Variants in PKD1L1 observed in about 807,000 individuals in gnomAD.
PKD1L1 encodes polycystin-1-like protein 1.
Under a neutral mutation model 323.4 loss-of-function variants are expected in PKD1L1, and 236 were observed. The ratio of observed to expected loss-of-function variants is 0.73; its 90% CI spans 0.66 to 0.81. PKD1L1 has a LOEUF of 0.81. Ranked by LOEUF, PKD1L1 falls within the 40% of genes least tolerant of loss-of-function variation. The pLI, the probability that PKD1L1 is intolerant of heterozygous loss-of-function variation, is 0.00. For missense variants in PKD1L1, 3,320 were observed against 3,508.0 expected, an observed-to-expected ratio of 0.95 and a Z score of 1.35; for synonymous variants, 1,344 against 1,335.0, an observed-to-expected ratio of 1.01 and a Z score of -0.15.
intron 26 of PKD1L1, among the ~76,000 whole-genome samples, chr7:47,859,639 T>C (rs1400929880): frequency 6.6e-6 from 1 of 150,960 alleles, no homozygotes; most frequent in Non-Finnish European, 1.5e-5. Context: ...TTTTTTTTTT[T>C]TTTTTGAGAT....
At position 47,890,583 on chromosome 7, in the gene PKD1L1, C is replaced by T. The variant is rs1202912855; in HGVS notation, c.2634G>A (p.Glu878=). 5 of 1,614,150 alleles carry T rather than the reference C, an allele frequency of 3.1e-6. No homozygotes were observed. In the East Asian group the frequency reaches 8.9e-5, roughly 29 times the overall value. ...RVSSGGRNSS[E]TRVFLSPYPD... ...GGTAGGGGGACAGGAACACCCGGGTCTCAGAAGAGTTCCGGCCACCACTGG... is the reference window on the plus strand; with the variant it reads ...GGTAGGGGGACAGGAACACCCGGGTTTCAGAAGAGTTCCGGCCACCACTGG... The change falls in exon 16 of 57, where the codon GAG becomes GAA. Residue 878 remains glutamate, a synonymous_variant. Transcript: ENST00000289672.
intron 26 of PKD1L1, among the ~76,000 whole-genome samples, chr7:47,861,006 T>C (rs1467755660): frequency 6.6e-6 from 1 of 152,180 alleles, no homozygotes; most frequent in African/African-American, 2.4e-5. Flanking sequence ...GCAGCATACC[T>C]TCTCCATGTG....
At position 47,803,218 on chromosome 7, in the gene PKD1L1, C is replaced by T. The variant is rs1483073533; in HGVS notation, c.7954G>A (p.Val2652Ile). Residue 2652 changes from valine (V) to isoleucine (I), a missense_variant, in exon 53 of 57, where the codon GTA becomes ATA. By Grantham distance (29) the Val-to-Ile change is conservative (BLOSUM62 3). Coordinates refer to ENST00000289672, the MANE Select transcript of PKD1L1 (RefSeq NM_138295.5). Reference sequence around the variant, plus strand: ...AAGGGGAGAGTTCTTACCCCTGCTACAAAGATGCTGGGGAGTGAGTGGCGC... The same window carrying T: ...AAGGGGAGAGTTCTTACCCCTGCTATAAAGATGCTGGGGAGTGAGTGGCGC... ...MMRHSLPSIF[V>I]AGLVGALMLA... The T allele has an allele frequency of 6.2e-7, 1 of 1,614,126 alleles. No homozygotes were observed.
At chr7:47,879,625 T>C (rs1786487622) in intron 21 of PKD1L1, among the ~76,000 whole-genome samples, 2 of 106,844 alleles carry the variant, frequency 1.9e-5, no homozygotes, top group Non-Finnish European at 1.8e-5. Context: ...AGAGCAAGAC[T>C]TTGTCTCAAA....
Position 47,811,818 on chromosome 7 carries a change from TG to T in PKD1L1, c.7579del (p.Gln2527SerfsTer9). On this transcript the variant is annotated frameshift_variant and splice_region_variant, in exon 50 of 57. Coordinates refer to ENST00000289672, the MANE Select transcript of PKD1L1 (RefSeq NM_138295.5). LOFTEE classifies it high-confidence loss of function. The part of the protein sequence containing the change: ...SALQYHLMLP[Q>X]LVFLALSLIH... Reference sequence around the variant, plus strand: ...GGCCCAAGAGGCAGGTCAGCTCACCTGGGGAAGCATGAGGTGGTACTGCAGG... The same window carrying T: ...GGCCCAAGAGGCAGGTCAGCTCACCTGGGAAGCATGAGGTGGTACTGCAGG... 1.3e-6 allele frequency: 2 copies of T among 1,598,172 alleles called. No homozygotes were observed. The highest frequency in any genetic ancestry group is 2.3e-5 in the East Asian group (1 of 43,952).
At chr7:47,853,762 A>C (rs1362054996) in intron 30 of PKD1L1, among the ~76,000 whole-genome samples, 4 of 111,180 alleles carry the variant, frequency 3.6e-5, no homozygotes, top group Non-Finnish European at 7.7e-5. Context: ...ACAAACAAAC[A>C]AACCAAAAAA....
At chr7:47,867,038 A>T (rs1256290617) in intron 24 of PKD1L1, among the ~76,000 whole-genome samples, 1 of 152,220 alleles carries the variant, frequency 6.6e-6, no homozygotes, top group Non-Finnish European at 1.5e-5. Context: ...TTGTGAAAAG[A>T]GGCCTATACA....
At chr7:47,939,799 C>T (rs1787945872) in intron 3 of PKD1L1, among the ~76,000 whole-genome samples, 1 of 151,292 alleles carries the variant, frequency 6.6e-6, no homozygotes, top group Middle Eastern at 3.2e-3. Flanking sequence ...CCACTCCCCA[C>T]CCCGGGGATA....
intron 2 of PKD1L1, among the ~76,000 whole-genome samples, chr7:47,942,915 G>C (rs977161032): frequency 6.6e-6 from 1 of 152,066 alleles, no homozygotes; most frequent in Admixed American, 6.5e-5. Context: ...GGAAGGCCGA[G>C]GTGGGCAGAT....
intron 26 of PKD1L1, among the ~76,000 whole-genome samples, chr7:47,860,668 A>G (rs141445204): frequency 9.8e-5 from 15 of 152,376 alleles, no homozygotes; most frequent in African/African-American, 3.6e-4. Flanking sequence ...AGTGCTTTAA[A>G]GAATATATTA....
At chr7:47,915,302 G>GA in intron 8 of PKD1L1, 130 bp downstream of exon 8, 1 of 589,680 alleles carries the variant, frequency 1.7e-6, no homozygotes, top group Non-Finnish European at 3.0e-6. Flanking sequence ...CCACACACAG[G>GA]ACACCGTAGC....
At position 47,868,401 on chromosome 7, in the gene PKD1L1, CA is replaced by C. The variant is rs1361953744; in HGVS notation, c.3897-1788del. On this transcript the variant is annotated intron_variant, in intron 24 of 56. Coordinates refer to ENST00000289672, the MANE Select transcript of PKD1L1 (RefSeq NM_138295.5). ...AACAAAACAAAACAAAAAACAACAA[CA>C]AAAAAAACACAAATAAGGGAGGTGG... is the stretch of plus-strand genomic sequence containing the variant. Among the ~76,000 whole-genome samples, 15 of 150,468 alleles carry C rather than the reference CA, an allele frequency of 1.0e-4. No homozygotes were observed. In the South Asian group the frequency reaches 3.2e-3, roughly 32 times the overall value.
intron 56 of PKD1L1, among the ~76,000 whole-genome samples, chr7:47,788,448 G>A (rs184774541): frequency 2.0e-5 from 3 of 150,048 alleles, no homozygotes; most frequent in Non-Finnish European, 3.0e-5. Flanking sequence ...GCACCATGCC[G>A]GGTTAATTTT....
In PKD1L1 at chr7:47,839,603, G is replaced by C. The variant is rs553672931; in HGVS notation, c.5612C>G (p.Pro1871Arg). ...GTGGCTGATGAACCAGCCTGGGGAA[G>C]GCCCACGGCTGTCGTGCCAGAGGCG... ...KIRLWHDSRGPSPGWFISHVM... is the reference protein window; with the variant it reads ...KIRLWHDSRGRSPGWFISHVM... The change falls in exon 36 of 57, where the codon CCT becomes CGT. Residue 1871 changes from proline (P) to arginine (R), a missense_variant. Coordinates refer to ENST00000289672, the MANE Select transcript of PKD1L1 (RefSeq NM_138295.5). The surrounding 1 kb of genome is among the most constrained non-coding windows in gnomAD (Gnocchi z 4.3). 2.3e-5 allele frequency: 36 copies of C among 1,596,364 alleles called. No individual in the cohort carries two copies. The South Asian group carries it at 3.6e-4, about 16-fold the overall frequency.
chr7:47,866,644 G>C (rs746218679), intron 24 of PKD1L1, 30 bp from the exon 25 acceptor site: 1 of 1,544,034 alleles, frequency 6.5e-7, no homozygotes, highest in South Asian at 1.2e-5. Context: ...TATCATTACT[G>C]TTCCAACACA....
rs1331634272 is a variant in PKD1L1 at position 47,853,237 on chromosome 7, A to G, written c.4860-10T>C. The G allele has an allele frequency of 3.2e-6, 5 of 1,560,196 alleles. No individual in the cohort carries two copies. The highest frequency in any genetic ancestry group is 4.4e-6 in the Non-Finnish European group (5 of 1,132,592). ...AGGTTTCTCAGAGAATCTAGGAGAT[A>G]AAAACAAAATAGGGATTTCTCATTT... On this transcript the variant is annotated splice_polypyrimidine_tract_variant and intron_variant, in intron 30 of 56. Transcript: ENST00000289672.
intron 44 of PKD1L1, 21 bp downstream of exon 44, chr7:47,829,404 T>A (rs371342640): frequency 6.3e-7 from 1 of 1,576,462 alleles, no homozygotes; most frequent in Non-Finnish European, 8.6e-7. Flanking sequence ...CAATTTGCAC[T>A]GCATAGGTAA....
At chr7:47,897,253 A>G (rs7780754) in intron 14 of PKD1L1, among the ~76,000 whole-genome samples, 79,494 of 152,062 alleles carry the variant, frequency 0.52, 22,406 homozygotes, top group African/African-American at 0.74. Context: ...ACTGTGCTCA[A>G]TAGGACTGCG....
At chr7:47,888,733 C>A (rs1385348667) in intron 16 of PKD1L1, among the ~76,000 whole-genome samples, 1 of 152,170 alleles carries the variant, frequency 6.6e-6, no homozygotes, top group Non-Finnish European at 1.5e-5. Context: ...TGCCCACAGC[C>A]CGGCGCCCAC....
Sources: gnomAD v4.1 joint callset for allele counts (sites outside exome capture counted in the v4.1 genomes callset) on GRCh38, gnomAD v4.1.1 for gene constraint, Gnocchi (gnomAD v3.1) non-coding constraint, MANE v1.5 for transcripts, NCBI Gene and HGNC (gene_info 2026-07-23, HGNC 2026-07-21) for gene names.